Variants in GIGYF2 observed in about 807,000 individuals in gnomAD.
GIGYF2 encodes GRB10-interacting GYF protein 2.
A neutral mutation model predicts 208.1 loss-of-function variants in GIGYF2; 25 were observed. The ratio of observed to expected loss-of-function variants is 0.12; its 90% CI spans 0.09 to 0.17. GIGYF2 has a LOEUF of 0.17. Ranked by LOEUF, GIGYF2 falls within the 10% of genes least tolerant of loss-of-function variation. The pLI is 1.00. For missense variants in GIGYF2, 1,302 were observed against 1,579.4 expected, an observed-to-expected ratio of 0.82 and a Z score of 2.98; for synonymous variants, 534 against 543.8, an observed-to-expected ratio of 0.98 and a Z score of 0.25.
chr2:232,798,243 T>G (rs1388030197), intron 14 of GIGYF2, among the ~76,000 whole-genome samples: 1 of 152,238 alleles, frequency 6.6e-6, no homozygotes, highest in Non-Finnish European at 1.5e-5. Context: ...CAGTAGCTTG[T>G]GTCTTTTTAT....
At chr2:232,713,164 C>A (rs1696509995) in intron 2 of GIGYF2, among the ~76,000 whole-genome samples, 1 of 152,046 alleles carries the variant, frequency 6.6e-6, no homozygotes, top group Non-Finnish European at 1.5e-5. Flanking sequence ...TAACCACCGC[C>A]TCTTGGGTTC....
intron 8 of GIGYF2, chr2:232,765,805 C>T (rs1698933117): frequency 2.4e-6 from 1 of 413,092 alleles, no homozygotes; most frequent in Non-Finnish European, 5.0e-6. Flanking sequence ...GTAGTATGGG[C>T]TTGTACATAT....
chr2:232,740,000 CT>C (rs1697911310), intron 3 of GIGYF2, among the ~76,000 whole-genome samples: 1 of 149,848 alleles, frequency 6.7e-6, no homozygotes, highest in Non-Finnish European at 1.5e-5. Flanking sequence ...TGCCTGTAAT[CT>C]TGGCTACTGG....
At chr2:232,830,313 T>C (rs1701391243) in intron 21 of GIGYF2, among the ~76,000 whole-genome samples, 1 of 152,180 alleles carries the variant, frequency 6.6e-6, no homozygotes, top group Admixed American at 6.5e-5. Flanking sequence ...TCGTTTTTAG[T>C]TCATTGATGT....
chr2:232,836,297 TA>T (rs1559160435), intron 22 of GIGYF2, among the ~76,000 whole-genome samples: 413 of 21,664 alleles, frequency 0.019, 77 homozygotes, highest in Non-Finnish European at 0.031. Flanking sequence ...TATATATATA[TA>T]TATATATATA....
chr2:232,853,882 G>C (rs1163158705), intron 28 of GIGYF2, among the ~76,000 whole-genome samples: 2 of 152,158 alleles, frequency 1.3e-5, no homozygotes, highest in African/African-American at 4.8e-5. Flanking sequence ...TGCATACCTT[G>C]CTGGTTTTTT....
intron 1 of GIGYF2, among the ~76,000 whole-genome samples, chr2:232,699,100 AG>A (rs1358509570): frequency 1.3e-5 from 2 of 152,198 alleles, no homozygotes; most frequent in Non-Finnish European, 2.9e-5. Flanking sequence ...ATAGAATAAT[AG>A]GGGTTTGGGG....
intron 2 of GIGYF2, among the ~76,000 whole-genome samples, chr2:232,726,187 T>C (rs1428632843): frequency 6.6e-6 from 1 of 152,080 alleles, no homozygotes; most frequent in Non-Finnish European, 1.5e-5. Context: ...CTGGCCAATA[T>C]GCAAAACCCT....
At chr2:232,698,728 C>T (rs577790510) in intron 1 of GIGYF2, among the ~76,000 whole-genome samples, 1 of 152,276 alleles carries the variant, frequency 6.6e-6, no homozygotes, top group South Asian at 2.1e-4. Context: ...TTAAAAGTGG[C>T]ACGTAACTGG....
rs1322852395 is a variant in GIGYF2 at position 232,857,318 on chromosome 2, T to C, written c.*458T>C. ...GAAGAGAGTTAATGGTTAACAGACA[T>C]TGGCCAATAACAAAACACCCCATGG... On this transcript the variant is annotated 3_prime_UTR_variant, in exon 29 of 29. Coordinates refer to ENST00000373563, the MANE Select transcript of GIGYF2 (RefSeq NM_001103146.3). 1 of 221,304 alleles carries C rather than the reference T, an allele frequency of 4.5e-6. No individual in the cohort carries two copies. Among genetic ancestry groups the C allele is most frequent in the Non-Finnish European group, 9.1e-6 (1 of 109,496 alleles). 13.7% of individuals were successfully genotyped at this position (221,304 alleles called of 1,614,324 possible).
chr2:232,820,632 C>T (rs879560337), intron 21 of GIGYF2, among the ~76,000 whole-genome samples: 8 of 152,020 alleles, frequency 5.3e-5, no homozygotes, highest in African/African-American at 1.4e-4. Flanking sequence ...GCAATAATTT[C>T]TAACGTAATG....
At chr2:232,783,967 C>T (rs1165499123) in intron 8 of GIGYF2, among the ~76,000 whole-genome samples, 3 of 152,078 alleles carry the variant, frequency 2.0e-5, no homozygotes, top group African/African-American at 4.8e-5. Context: ...GGATTACAGG[C>T]GTGAGCCACC....
chr2:232,797,489 T>TTTTGTG (rs1553614939), intron 14 of GIGYF2, among the ~76,000 whole-genome samples: 6 of 145,090 alleles, frequency 4.1e-5, no homozygotes, highest in African/African-American at 1.5e-4. Flanking sequence ...AGAGCAGGGC[T>TTTTGTG]TGTGTGTGTG....
chr2:232,814,606 A>G (rs1309640743), intron 18 of GIGYF2, among the ~76,000 whole-genome samples: 1 of 135,160 alleles, frequency 7.4e-6, no homozygotes, highest in African/African-American at 2.8e-5. Flanking sequence ...GGCTATGTCT[A>G]TAAAGTGTAT....
intron 14 of GIGYF2, among the ~76,000 whole-genome samples, chr2:232,799,196 A>C (rs912898107): frequency 1.3e-5 from 2 of 151,902 alleles, no homozygotes; most frequent in South Asian, 4.1e-4. Flanking sequence ...TTGCTTATCC[A>C]TTTCATCTAT....
In GIGYF2 at chr2:232,832,783, T is replaced by C. The variant is rs539295469; in HGVS notation, c.2530-74T>C. 86 of 1,133,152 alleles carry C rather than the reference T, an allele frequency of 7.6e-5. No individual in the cohort carries two copies. The East Asian group carries it at 2.1e-3, about 27-fold the overall frequency. The allele number at this position is 1,133,152 out of a possible 1,614,324, so 70.2% of individuals were successfully genotyped here. ...ATCTCTATAGCCATTTGACAGAAGC[T>C]TTCAAAAGTGAGTCAGATTTTTCCC... On this transcript the variant is annotated intron_variant, in intron 21 of 28. Transcript: ENST00000373563.
At chr2:232,854,201 TA>T (rs1690463783) in intron 28 of GIGYF2, among the ~76,000 whole-genome samples, 1 of 152,174 alleles carries the variant, frequency 6.6e-6, no homozygotes, top group Non-Finnish European at 1.5e-5. Context: ...TTTAAAAACA[TA>T]AACATTAGGG....
Position 232,755,209 on chromosome 2 carries a change from C to T in GIGYF2, c.268-1014C>T, listed in dbSNP as rs536027730. Reference sequence around the variant, plus strand: ...TTTTTGAGACGGAGTCTTGCTCTGTCGCCCAGGCTAGAGTGCAGTGGCATG... The same window carrying T: ...TTTTTGAGACGGAGTCTTGCTCTGTTGCCCAGGCTAGAGTGCAGTGGCATG... On this transcript the variant is annotated intron_variant, in intron 5 of 28. Transcript: ENST00000373563. 2.4e-3 allele frequency among the ~76,000 whole-genome samples: 372 copies of T among 152,230 alleles called. 1 individual carries two copies. Among genetic ancestry groups the T allele is most frequent in the Non-Finnish European group, 4.4e-3 (297 of 68,012 alleles).
intron 15 of GIGYF2, among the ~76,000 whole-genome samples, chr2:232,808,817 T>G (rs1022786566): frequency 2.0e-5 from 3 of 152,190 alleles, no homozygotes; most frequent in East Asian, 1.9e-4. Context: ...GCTAAAAAAT[T>G]GGTTTTATTT....
Sources: gnomAD v4.1 joint callset for allele counts (sites outside exome capture counted in the v4.1 genomes callset) on GRCh38, gnomAD v4.1.1 for gene constraint, MANE v1.5 for transcripts, NCBI Gene and HGNC (gene_info 2026-07-23, HGNC 2026-07-21) for gene names.